The following LGR5 variants were observed in gnomAD, a reference collection of about 807,000 sequenced individuals.
LGR5 encodes the protein leucine rich repeat containing G protein-coupled receptor 5.
A neutral mutation model predicts 76.7 loss-of-function variants in LGR5; 54 were observed. That is an observed-to-expected ratio of 0.70 (90% CI 0.57 to 0.88). The LOEUF (loss-of-function observed/expected upper bound fraction) is 0.88, where lower values mean the gene tolerates loss of function less well. LGR5 is among the 40% of genes least tolerant of loss of function. The pLI is 0.00. For synonymous variants in LGR5, 406 were observed against 421.9 expected (o/e 0.96, Z 0.46); for missense variants, 1,078 against 1,073.3 (o/e 1.00, Z -0.06).
At chr12:71,458,271 G>C (rs1336679597) in intron 1 of LGR5, among the ~76,000 whole-genome samples, 4 of 152,062 alleles carry the variant, frequency 2.6e-5, no homozygotes, top group African/African-American at 9.7e-5. Context: ...ATACCAAAGT[G>C]TGTATTTCAA....
intron 4 of LGR5, among the ~76,000 whole-genome samples, chr12:71,548,849 C>A (rs556614296): frequency 1.7e-3 from 248 of 145,294 alleles, no homozygotes; most frequent in African/African-American, 5.7e-3. Context: ...CACACACACA[C>A]CCTCTGTGAC....
intron 11 of LGR5, chr12:71,571,205 T>A (rs1878596564): frequency 5.4e-6 from 1 of 185,534 alleles, no homozygotes; most frequent in Admixed American, 6.1e-5. Context: ...TTATTTAATT[T>A]AATTTGTTCT....
intron 3 of LGR5, among the ~76,000 whole-genome samples, chr12:71,526,394 G>T (rs1876003428): frequency 6.6e-6 from 1 of 151,704 alleles, no homozygotes; most frequent in African/African-American, 2.4e-5. Context: ...GAGAAGCATA[G>T]ATTATTTCTC....
At chr12:71,457,766 C>A (rs1872543857) in intron 1 of LGR5, among the ~76,000 whole-genome samples, 2 of 152,118 alleles carry the variant, frequency 1.3e-5, no homozygotes, top group Non-Finnish European at 2.9e-5. Context: ...GTTGGTTTTT[C>A]CCTGAAGCTC....
rs1312750989 is a variant in LGR5, at chr12:71,530,688, G to A, written c.357-4427G>A. The stretch of plus-strand genomic sequence containing the variant: ...TCTGAACCAGGCTGTCCTCAACAAA[G>A]GTTCATTTTCTAGTGTAAGCCATTC... On this transcript the variant is annotated intron_variant, in intron 3 of 17. Coordinates refer to ENST00000266674, the MANE Select transcript of LGR5 (RefSeq NM_003667.4). Among the ~76,000 whole-genome samples the A allele has an allele frequency of 2.0e-5, 3 of 152,130 alleles. No individual in the cohort carries two copies. The East Asian group carries it at 5.8e-4, about 29-fold the overall frequency.
intron 1 of LGR5, among the ~76,000 whole-genome samples, chr12:71,494,537 T>C (rs1408150332): frequency 2.6e-5 from 4 of 151,198 alleles, no homozygotes; most frequent in Non-Finnish European, 5.9e-5. Context: ...TTTATCTAGA[T>C]TAAAACTTCC....
At chr12:71,555,281 T>G (rs1304856350) in intron 5 of LGR5, among the ~76,000 whole-genome samples, 1 of 152,200 alleles carries the variant, frequency 6.6e-6, no homozygotes, top group Non-Finnish European at 1.5e-5. Flanking sequence ...GGGTATGTGC[T>G]TTAATTTCTT....
At chr12:71,582,945 G>GAAGGAAGGAAGGAAGGAAGA (rs953075805) in intron 17 of LGR5, among the ~76,000 whole-genome samples, 1 of 117,580 alleles carries the variant, frequency 8.5e-6, no homozygotes, top group Non-Finnish European at 1.8e-5. Flanking sequence ...CAGATAAGAG[G>GAAGGAAGGAAGGAAGGAAGA]AAGGAAGGAA....
intron 4 of LGR5, among the ~76,000 whole-genome samples, chr12:71,539,515 T>A (rs1228452197): frequency 1.3e-5 from 2 of 152,236 alleles, no homozygotes; most frequent in Non-Finnish European, 2.9e-5. Context: ...TCTCACTCTG[T>A]TGCCCAGGCT....
intron 17 of LGR5, among the ~76,000 whole-genome samples, chr12:71,583,203 C>G (rs1311662675): frequency 6.6e-6 from 1 of 152,150 alleles, no homozygotes; most frequent in Non-Finnish European, 1.5e-5. Context: ...AAATTTTAAT[C>G]TAAAACTAAG....
At chr12:71,457,519 A>G (rs1872533326) in intron 1 of LGR5, among the ~76,000 whole-genome samples, 1 of 152,148 alleles carries the variant, frequency 6.6e-6, no homozygotes, top group African/African-American at 2.4e-5. Flanking sequence ...CTCATCTAAG[A>G]GCACTGTTCA....
At chr12:71,576,231 C>A (rs1336807927) in intron 13 of LGR5, among the ~76,000 whole-genome samples, 1 of 152,146 alleles carries the variant, frequency 6.6e-6, no homozygotes, top group African/African-American at 2.4e-5. Context: ...GCACGTGTAT[C>A]CTGGAACTTA....
intron 3 of LGR5, 44 bp from the exon 4 acceptor site, chr12:71,535,071 G>A: frequency 7.1e-7 from 1 of 1,402,466 alleles, no homozygotes; most frequent in Non-Finnish European, 1.0e-6. Context: ...GCCTGTTATT[G>A]TTCATTTTTT....
chr12:71,528,877 C>T (rs1876154415), intron 3 of LGR5, among the ~76,000 whole-genome samples: 1 of 152,144 alleles, frequency 6.6e-6, no homozygotes, highest in African/African-American at 2.4e-5. Flanking sequence ...GAGGGATCTC[C>T]AGGGCCTTTT....
intron 1 of LGR5, among the ~76,000 whole-genome samples, chr12:71,442,951 C>A (rs1238425245): frequency 1.3e-5 from 2 of 152,192 alleles, no homozygotes; most frequent in Admixed American, 1.3e-4. Flanking sequence ...TAGCTCCACT[C>A]CACTGGGGCC....
chr12:71,523,422 A>G (rs1006961013), intron 2 of LGR5, among the ~76,000 whole-genome samples: 1 of 152,090 alleles, frequency 6.6e-6, no homozygotes, highest in Admixed American at 6.6e-5. Flanking sequence ...AGGGTGACGC[A>G]GGAGGATTGC....
At chr12:71,525,472 T>A (rs1232458255) in intron 3 of LGR5, among the ~76,000 whole-genome samples, 1 of 151,752 alleles carries the variant, frequency 6.6e-6, no homozygotes, top group East Asian at 1.9e-4. Flanking sequence ...TAATAGTAAT[T>A]CCTTATGTGG....
rs370996214 is a variant in LGR5, at chr12:71,553,307, G to T, written c.644+19G>T. 3.9e-5 allele frequency: 62 copies of T among 1,602,474 alleles called. No homozygotes were observed. In the African/African-American group the frequency reaches 7.0e-4, roughly 18 times the overall value. On this transcript the variant is annotated intron_variant, in intron 5 of 17. Transcript: ENST00000266674. ...TAGTTCTGTAAGTTTTATTGATTTT[G>T]CTCTCTTTTAACAGTTTCTAATGTC...
In LGR5 at chr12:71,482,846, C is replaced by G. The variant is rs139080360; in HGVS notation, c.213-21768C>G. On this transcript the variant is annotated intron_variant, in intron 1 of 17. Coordinates refer to ENST00000266674, the MANE Select transcript of LGR5 (RefSeq NM_003667.4). Reference sequence around the variant, plus strand: ...ATAAAGAAGAGCAGAATATATTATTCTAGTGAATACTCATATCATGAATTA... The same window carrying G: ...ATAAAGAAGAGCAGAATATATTATTGTAGTGAATACTCATATCATGAATTA... Among the ~76,000 whole-genome samples, 78 of 152,298 alleles carry G rather than the reference C, an allele frequency of 5.1e-4. 1 individual carries two copies. Among genetic ancestry groups the G allele is most frequent in the African/African-American group, 1.7e-3 (72 of 41,562 alleles).
Sources: gnomAD v4.1 joint callset for allele counts (sites outside exome capture counted in the v4.1 genomes callset) on GRCh38, gnomAD v4.1.1 for gene constraint, MANE v1.5 for transcripts, NCBI Gene and HGNC (gene_info 2026-07-23, HGNC 2026-07-21) for gene names.